The following RARB variants were observed in gnomAD, a reference collection of about 807,000 sequenced individuals.
RARB encodes the protein HBV-activated protein.
RARB carries 17 observed loss-of-function variants against 51.9 expected under a neutral mutation model. The ratio of observed to expected loss-of-function variants is 0.33; its 90% CI spans 0.22 to 0.49. RARB has a LOEUF of 0.49. Ranked by LOEUF, RARB falls within the 20% of genes least tolerant of loss-of-function variation. The pLI is 0.99. For missense variants in RARB, 369 were observed against 550.8 expected (o/e 0.67, Z 3.30); for synonymous variants, 215 against 195.4 (o/e 1.10, Z -0.84).
intron 3 of RARB, among the ~76,000 whole-genome samples, chr3:25,125,571 C>T (rs1312030005): frequency 6.6e-6 from 1 of 152,092 alleles, no homozygotes; most frequent in Non-Finnish European, 1.5e-5. Flanking sequence ...AACAGTATTG[C>T]TGGATTCAGA....
intron 5 of RARB, among the ~76,000 whole-genome samples, chr3:25,217,800 C>A (rs1701866623): frequency 2.0e-5 from 3 of 152,202 alleles, no homozygotes; most frequent in Admixed American, 6.5e-5. Context: ...AAGTTCCCTT[C>A]CTGTCCTGAG....
intron 1 of RARB, among the ~76,000 whole-genome samples, chr3:25,446,788 G>T (rs1417207161): frequency 9.2e-6 from 1 of 108,650 alleles, no homozygotes; most frequent in Non-Finnish European, 1.7e-5. Context: ...GGGTGACAGA[G>T]CCAGACTCCG....
In RARB at chr3:24,856,720, T is replaced by C. The variant is rs138167458; in HGVS notation, c.-458-1954T>C. ...CTTGGGGAACCAAAAAGATTAAATC[T>C]TACCAGGTCTTGAAGTTACAACAAT... is the stretch of plus-strand genomic sequence containing the variant. On this transcript the variant is annotated intron_variant, in intron 1 of 11. Transcript: ENST00000383772. 2.4e-4 allele frequency among the ~76,000 whole-genome samples: 36 copies of C among 152,338 alleles called. No individual in the cohort carries two copies. In the East Asian group the frequency reaches 6.8e-3, roughly 29 times the overall value.
At chr3:25,002,622 C>T (rs1697186424) in intron 2 of RARB, among the ~76,000 whole-genome samples, 1 of 152,048 alleles carries the variant, frequency 6.6e-6, no homozygotes, top group African/African-American at 2.4e-5. Flanking sequence ...TCACTTAATA[C>T]ATTGGCATAT....
chr3:24,843,998 T>A (rs1400826130), intron 1 of RARB, among the ~76,000 whole-genome samples: 2 of 151,636 alleles, frequency 1.3e-5, no homozygotes, highest in Non-Finnish European at 2.9e-5. Flanking sequence ...CAATAGAACA[T>A]CCCTCAGCCT....
At chr3:25,308,316 T>C (rs1297567367) in intron 5 of RARB, among the ~76,000 whole-genome samples, 1 of 152,208 alleles carries the variant, frequency 6.6e-6, no homozygotes, top group Non-Finnish European at 1.5e-5. Flanking sequence ...TCTATCTCCT[T>C]GTAAGTTCTT....
intron 2 of RARB, among the ~76,000 whole-genome samples, chr3:24,903,242 C>T (rs1703644317): frequency 6.6e-6 from 1 of 151,846 alleles, no homozygotes; most frequent in Non-Finnish European, 1.5e-5. Flanking sequence ...TAAAATGATG[C>T]ATTGGTACAG....
chr3:25,593,459 G>C (rs776448918), intron 5 of RARB, 44 bp from the exon 6 acceptor site: 3 of 1,537,248 alleles, frequency 2.0e-6, no homozygotes, highest in Non-Finnish European at 1.8e-6. Context: ...ATGATTTCAG[G>C]ACAGGATGGC....
At chr3:25,027,391 CCA>C (rs1474046863) in intron 2 of RARB, among the ~76,000 whole-genome samples, 2 of 152,052 alleles carry the variant, frequency 1.3e-5, no homozygotes, top group African/African-American at 4.8e-5. Flanking sequence ...TCTCTGAGCC[CCA>C]GTTTCCTTCT....
intron 1 of RARB, among the ~76,000 whole-genome samples, chr3:24,851,882 A>T (rs530132708): frequency 8.5e-5 from 13 of 152,364 alleles, no homozygotes; most frequent in Admixed American, 7.8e-4. Context: ...ATCTATAATC[A>T]TCAGAAAGAA....
intron 1 of RARB, among the ~76,000 whole-genome samples, chr3:24,830,850 T>C (rs1702273059): frequency 6.6e-6 from 1 of 152,032 alleles, no homozygotes; most frequent in South Asian, 2.1e-4. Flanking sequence ...GCATCTTGCC[T>C]AATTGGACGC....
At chr3:24,953,899 A>G (rs76389766) in intron 2 of RARB, among the ~76,000 whole-genome samples, 2,318 of 152,306 alleles carry the variant, frequency 0.015, 57 homozygotes, top group African/African-American at 0.052. Context: ...AGGGCAAAAC[A>G]GTGGACACAG....
At chr3:25,479,074 A>G (rs1368262) in intron 2 of RARB, among the ~76,000 whole-genome samples, 43,469 of 152,000 alleles carry the variant, frequency 0.29, 7,948 homozygotes, top group African/African-American at 0.53. Context: ...GAAGGGAGAA[A>G]GAGCACTTGA....
chr3:24,905,265 A>G lies in RARB; in HGVS notation c.-380+46513A>G, dbSNP rs543181827. Among the ~76,000 whole-genome samples, 12 of 152,314 alleles carry G rather than the reference A, an allele frequency of 7.9e-5. No individual in the cohort carries two copies. The East Asian group carries it at 2.3e-3, about 29-fold the overall frequency. On this transcript the variant is annotated intron_variant, in intron 2 of 11. Transcript: ENST00000383772. ...GGGCCCTGGGGGTTTGTGATATGGT[A>G]GTTTCAAATGTGATGACAGTAATAA...
chr3:25,514,471 A>T (rs1450008215), intron 3 of RARB, among the ~76,000 whole-genome samples: 1 of 152,078 alleles, frequency 6.6e-6, no homozygotes, highest in African/African-American at 2.4e-5. Flanking sequence ...GATTGTTCCG[A>T]CACTTCATTT....
At chr3:25,417,258 G>A (rs1707729633) in intron 5 of RARB, among the ~76,000 whole-genome samples, 1 of 151,158 alleles carries the variant, frequency 6.6e-6, no homozygotes, top group Non-Finnish European at 1.5e-5. Context: ...ATGGAAATTA[G>A]CTGTTCCCTA....
At chr3:24,849,346 C>A (rs9833582) in intron 1 of RARB, among the ~76,000 whole-genome samples, 1 of 152,170 alleles carries the variant, frequency 6.6e-6, no homozygotes. Flanking sequence ...CGCGTGTGTT[C>A]ATGGACAAAG....
At chr3:25,367,308 TG>T (rs1706152436) in intron 5 of RARB, among the ~76,000 whole-genome samples, 1 of 152,204 alleles carries the variant, frequency 6.6e-6, no homozygotes, top group South Asian at 2.1e-4. Flanking sequence ...AGTCACACTT[TG>T]ACAGGAGAAT....
At chr3:24,991,056 G>A (rs1273339890) in intron 2 of RARB, among the ~76,000 whole-genome samples, 1 of 151,994 alleles carries the variant, frequency 6.6e-6, no homozygotes, top group Non-Finnish European at 1.5e-5. Flanking sequence ...TTTTTATGTT[G>A]GTCTTGTAAA....
Sources: allele counts gnomAD v4.1 joint callset (sites outside exome capture counted in the v4.1 genomes callset), GRCh38; gene constraint gnomAD v4.1.1; transcripts MANE v1.5; gene names NCBI Gene and HGNC (gene_info 2026-07-23, HGNC 2026-07-21).